Variants in GNAQ observed in about 807,000 individuals in gnomAD.
The protein encoded by GNAQ is guanine nucleotide-binding protein G(q) subunit alpha.
In GNAQ, 8 loss-of-function variants were observed where a neutral mutation model predicts 43.9. That is an observed-to-expected ratio of 0.18 (90% CI 0.11 to 0.33). The LOEUF (loss-of-function observed/expected upper bound fraction) is 0.33, where lower values mean the gene tolerates loss of function less well. Among genes scored for constraint, GNAQ ranks in the 10% least tolerant of loss-of-function variants. The pLI, the probability that GNAQ is intolerant of heterozygous loss-of-function variation, is 1.00. For synonymous variants in GNAQ, 155 were observed against 170.7 expected (o/e 0.91, Z 0.71); for missense variants, 158 against 450.8 (o/e 0.35, Z 5.88).
At chr9:77,924,332 C>T (rs1324956235) in intron 1 of GNAQ, among the ~76,000 whole-genome samples, 5 of 152,086 alleles carry the variant, frequency 3.3e-5, no homozygotes, top group Non-Finnish European at 7.4e-5. Context: ...AGTATTTTTA[C>T]TCTCCCAAGC....
At chr9:77,964,564 T>C (rs980856412) in intron 1 of GNAQ, among the ~76,000 whole-genome samples, 5 of 152,146 alleles carry the variant, frequency 3.3e-5, no homozygotes, top group African/African-American at 1.2e-4. Flanking sequence ...CAATAAATTT[T>C]AGAAGAGTCA....
chr9:77,890,704 C>A (rs560706580), intron 2 of GNAQ, among the ~76,000 whole-genome samples: 7 of 152,192 alleles, frequency 4.6e-5, no homozygotes, highest in Non-Finnish European at 7.3e-5. Context: ...GGCTGGGCAA[C>A]AAGAGTGAAA....
chr9:77,897,942 GAA>G (rs5898570), intron 2 of GNAQ, among the ~76,000 whole-genome samples: 1,514 of 124,660 alleles, frequency 0.012, 9 homozygotes, highest in South Asian at 0.031. Context: ...ACTTTCCCTG[GAA>G]AAAAAAAAAA....
At chr9:77,968,464 T>C (rs1823196144) in intron 1 of GNAQ, among the ~76,000 whole-genome samples, 1 of 152,220 alleles carries the variant, frequency 6.6e-6, no homozygotes, top group South Asian at 2.1e-4. Flanking sequence ...GCCTAAGTGT[T>C]TATTTACCAT....
At chr9:78,019,734 C>A (rs1812343572) in intron 1 of GNAQ, among the ~76,000 whole-genome samples, 1 of 151,862 alleles carries the variant, frequency 6.6e-6, no homozygotes, top group African/African-American at 2.4e-5. Flanking sequence ...AGGAGCCTGA[C>A]CAACATGGTG....
intron 2 of GNAQ, among the ~76,000 whole-genome samples, chr9:77,853,247 G>A (rs1827698443): frequency 6.6e-6 from 1 of 152,070 alleles, no homozygotes; most frequent in Non-Finnish European, 1.5e-5. Flanking sequence ...TGGAGTTAAT[G>A]CTACTATGTG....
At chr9:77,868,977 ACT>A (rs1157366706) in intron 2 of GNAQ, among the ~76,000 whole-genome samples, 1 of 152,018 alleles carries the variant, frequency 6.6e-6, no homozygotes, top group African/African-American at 2.4e-5. Context: ...ACAGAGCAAG[ACT>A]CTGTCTTGCG....
intron 3 of GNAQ, among the ~76,000 whole-genome samples, chr9:77,805,997 C>A (rs940811439): frequency 2.0e-4 from 31 of 152,148 alleles, no homozygotes; most frequent in Admixed American, 1.4e-3. Context: ...AGCACTAGTG[C>A]CAAATAGGAA....
At chr9:77,939,382 T>C (rs1322327338) in intron 1 of GNAQ, among the ~76,000 whole-genome samples, 1 of 152,182 alleles carries the variant, frequency 6.6e-6, no homozygotes, top group Non-Finnish European at 1.5e-5. Flanking sequence ...ACTAAATATG[T>C]TTACTCAAAC....
At chr9:77,920,457 ATAT>A (rs1828979969) in intron 2 of GNAQ, among the ~76,000 whole-genome samples, 2 of 152,296 alleles carry the variant, frequency 1.3e-5, no homozygotes, top group African/African-American at 4.8e-5. Flanking sequence ...TCAGATCATC[ATAT>A]TATTAACTGA....
intron 1 of GNAQ, among the ~76,000 whole-genome samples, chr9:78,020,383 T>C (rs1386635390): frequency 6.6e-6 from 1 of 152,154 alleles, no homozygotes; most frequent in Non-Finnish European, 1.5e-5. Context: ...TCAAGGGTTT[T>C]TCTCGGGACA....
At chr9:77,895,279 A>C (rs1828481692) in intron 2 of GNAQ, among the ~76,000 whole-genome samples, 1 of 151,830 alleles carries the variant, frequency 6.6e-6, no homozygotes, top group South Asian at 2.1e-4. Flanking sequence ...GTGTTAGTTC[A>C]TTTAATACCC....
intron 1 of GNAQ, among the ~76,000 whole-genome samples, chr9:77,966,150 T>G (rs1823164880): frequency 1.3e-5 from 2 of 151,924 alleles, no homozygotes. Flanking sequence ...AGGAATCAGA[T>G]CAGTGTTTGG....
chr9:77,781,472 T>C (rs1357185114), intron 5 of GNAQ, among the ~76,000 whole-genome samples: 1 of 152,034 alleles, frequency 6.6e-6, no homozygotes, highest in Non-Finnish European at 1.5e-5. Context: ...ACAATTCCTT[T>C]AAGAAGATAG....
At chr9:77,729,796 G>A (rs1461099811) in intron 5 of GNAQ, among the ~76,000 whole-genome samples, 1 of 152,206 alleles carries the variant, frequency 6.6e-6, no homozygotes, top group Non-Finnish European at 1.5e-5. Flanking sequence ...GCTGCTACGG[G>A]GTGGTTTGGT....
intron 1 of GNAQ, among the ~76,000 whole-genome samples, chr9:78,022,223 A>AG (rs1324927522): frequency 1.3e-5 from 2 of 152,204 alleles, no homozygotes; most frequent in Non-Finnish European, 2.9e-5. Context: ...GACAGCAGCA[A>AG]GCTTAGACCC....
chr9:77,903,867 C>T (rs1587398740), intron 2 of GNAQ, among the ~76,000 whole-genome samples: 1 of 152,158 alleles, frequency 6.6e-6, no homozygotes. Flanking sequence ...TCACCTAAAA[C>T]CCGTGCCTGT....
intron 1 of GNAQ, among the ~76,000 whole-genome samples, chr9:77,987,394 G>A (rs1823454517): frequency 6.6e-6 from 1 of 152,082 alleles, no homozygotes; most frequent in Admixed American, 6.6e-5. Context: ...CATGTTTTGA[G>A]GCATATCAGA....
chr9:77,744,895 CAAT>C (rs1272138626), intron 5 of GNAQ, among the ~76,000 whole-genome samples: 1 of 151,856 alleles, frequency 6.6e-6, no homozygotes, highest in Non-Finnish European at 1.5e-5. Flanking sequence ...AATGAAACAA[CAAT>C]AACAACAACA....
Sources: gnomAD v4.1 joint callset for allele counts (sites outside exome capture counted in the v4.1 genomes callset) on GRCh38, gnomAD v4.1.1 for gene constraint, MANE v1.5 for transcripts, NCBI Gene and HGNC (gene_info 2026-07-23, HGNC 2026-07-21) for gene names.